MGST1: variants seen among roughly 807,000 people sequenced by gnomAD.
MGST1 encodes microsomal glutathione S-transferase 1, also known as glutathione S-transferase 12.
In MGST1, 5 loss-of-function variants were observed where a neutral mutation model predicts 8.9. That is an observed-to-expected ratio of 0.56 (90% CI 0.29 to 1.19). MGST1 has a LOEUF of 1.19. Among genes scored for constraint, MGST1 ranks in the 50% most tolerant of loss-of-function variants. The pLI is 0.08. For missense variants in MGST1, 182 were observed against 187.4 expected, an observed-to-expected ratio of 0.97 and a Z score of 0.17; for synonymous variants, 54 against 67.8, an observed-to-expected ratio of 0.80 and a Z score of 1.00.
chr12:16,485,978 C>G (rs747033602), intron 4 of MGST1, among the ~76,000 whole-genome samples: 1 of 152,172 alleles, frequency 6.6e-6, no homozygotes, highest in African/African-American at 2.4e-5. Context: ...TAAGGGGCTT[C>G]GATGACCTTT....
intron 4 of MGST1, among the ~76,000 whole-genome samples, chr12:16,533,104 T>C (rs1243276250): frequency 1.3e-5 from 2 of 152,194 alleles, no homozygotes; most frequent in Non-Finnish European, 2.9e-5. Context: ...CTTTCTTAAC[T>C]AGTATTTAAA....
Position 16,401,514 on chromosome 12 carries a change from G to C in MGST1, n.778+17910G>C, listed in dbSNP as rs2137063104. 1.1e-6 allele frequency: 1 copy of C among 909,392 alleles called. No individual in the cohort carries two copies. Among genetic ancestry groups the C allele is most frequent in the Non-Finnish European group, 1.8e-6 (1 of 550,608 alleles). The allele number at this position is 909,392 out of a possible 1,614,324, so 56.3% of individuals were successfully genotyped here. On this transcript the variant is annotated intron_variant and non_coding_transcript_variant, in intron 1 of 1. Transcript: ENST00000359720. This position sits in a 1 kb window ranked among gnomAD's most constrained non-coding sequence, Gnocchi z 4.3. ...GCTCTTCTTGAAGCTGGAGTAAAAA[G>C]TTGTAATTTTCTTGAACTTCCTGAG...
At chr12:16,457,800 T>A (rs1016451639) in intron 4 of MGST1, among the ~76,000 whole-genome samples, 1 of 152,038 alleles carries the variant, frequency 6.6e-6, no homozygotes, top group African/African-American at 2.4e-5. Context: ...GAAATTTTCA[T>A]TATAATAGAC....
rs567046657 is a variant in MGST1, at chr12:16,482,753, C to T, written n.482+99149C>T. Among the ~76,000 whole-genome samples, 4 of 152,114 alleles carry T rather than the reference C, an allele frequency of 2.6e-5. No individual in the cohort carries two copies. Among genetic ancestry groups the T allele is most frequent in the South Asian group, 4.1e-4 (2 of 4,830 alleles). ...AAGGGAAAAGATAATGGCTGAGATACGCAAAGGATTAGACTATCATGTCGG... is the reference window on the plus strand; with the variant it reads ...AAGGGAAAAGATAATGGCTGAGATATGCAAAGGATTAGACTATCATGTCGG... On this transcript the variant is annotated intron_variant and non_coding_transcript_variant, in intron 4 of 4. Coordinates refer to the MGST1 transcript ENST00000538857. This position sits in a 1 kb window ranked among gnomAD's most constrained non-coding sequence, Gnocchi z 4.2.
downstream of MGST1, among the ~76,000 whole-genome samples, chr12:16,379,691 G>T (rs570518252): frequency 1.1e-3 from 160 of 152,060 alleles, 1 homozygote; most frequent in East Asian, 0.02. Flanking sequence ...TCCCTCTTTT[G>T]CTATTGATTG....
chr12:16,571,919 C>A (rs997899995), intron 4 of MGST1, among the ~76,000 whole-genome samples: 2 of 151,916 alleles, frequency 1.3e-5, no homozygotes, highest in African/African-American at 4.8e-5. Flanking sequence ...AAAATACATA[C>A]ACATTTTTTA....
intron 1 of MGST1, among the ~76,000 whole-genome samples, chr12:16,396,093 C>T (rs1434896938): frequency 6.6e-6 from 1 of 152,076 alleles, no homozygotes; most frequent in African/African-American, 2.4e-5. Flanking sequence ...GTTCCCTTTT[C>T]ACTGCATCCA....
intron 4 of MGST1, among the ~76,000 whole-genome samples, chr12:16,570,349 C>G (rs779771275): frequency 1.3e-5 from 2 of 151,898 alleles, no homozygotes; most frequent in Admixed American, 6.6e-5. Flanking sequence ...TTTCCATACA[C>G]TATATATAAA....
intron 1 of MGST1, among the ~76,000 whole-genome samples, chr12:16,387,530 ATT>A (rs34939041): frequency 2.8e-5 from 4 of 142,254 alleles, no homozygotes; most frequent in Non-Finnish European, 1.5e-5. Flanking sequence ...CAGGTATACC[ATT>A]TTTTTTTTTT....
At chr12:16,405,164 C>A (rs1032418026) in intron 1 of MGST1, among the ~76,000 whole-genome samples, 1 of 152,018 alleles carries the variant, frequency 6.6e-6, no homozygotes, top group East Asian at 1.9e-4. Flanking sequence ...TAGCAGAAGA[C>A]AAGAAATCAA....
intron 4 of MGST1, among the ~76,000 whole-genome samples, chr12:16,463,482 T>C (rs1470110908): frequency 6.6e-6 from 1 of 151,802 alleles, no homozygotes; most frequent in Non-Finnish European, 1.5e-5. Context: ...TAATAGATGC[T>C]GGGCTTAATA....
chr12:16,398,809 C>T (rs1940627580), intron 1 of MGST1, among the ~76,000 whole-genome samples: 2 of 152,042 alleles, frequency 1.3e-5, no homozygotes, highest in Admixed American at 6.5e-5. Flanking sequence ...TTGAGTATTG[C>T]AAAGATAAAA....
chr12:16,493,884 C>G (rs910952560), intron 4 of MGST1, among the ~76,000 whole-genome samples: 1 of 152,114 alleles, frequency 6.6e-6, no homozygotes, highest in African/African-American at 2.4e-5. Flanking sequence ...TTTAAAAGAA[C>G]TGCTTAATTT....
At chr12:16,520,803 G>GAATTTGA (rs1258390269) in intron 4 of MGST1, among the ~76,000 whole-genome samples, 2 of 152,124 alleles carry the variant, frequency 1.3e-5, no homozygotes, top group African/African-American at 4.8e-5. Flanking sequence ...AAACCATTTG[G>GAATTTGA]AATTTGAAAT....
intron 4 of MGST1, among the ~76,000 whole-genome samples, chr12:16,496,554 G>T (rs112314478): frequency 1.7e-4 from 26 of 152,140 alleles, no homozygotes; most frequent in African/African-American, 6.3e-4. Context: ...GCTGAGGTTT[G>T]GGGTACGACT....
In MGST1 at chr12:16,585,265, C is replaced by T. The variant is rs1943283274; in HGVS notation, n.483-4263C>T. Among the ~76,000 whole-genome samples the T allele has an allele frequency of 6.6e-6, 1 of 151,944 alleles. No individual in the cohort carries two copies. The highest frequency in any genetic ancestry group is 1.5e-5 in the Non-Finnish European group (1 of 68,024). Reference sequence around the variant, plus strand: ...TAAATAATTCAGCCTATTTTATTTACATTCAAGTATCATGGTAGAAAACAA... The same window carrying T: ...TAAATAATTCAGCCTATTTTATTTATATTCAAGTATCATGGTAGAAAACAA... On this transcript the variant is annotated intron_variant and non_coding_transcript_variant, in intron 4 of 4. Transcript: ENST00000538857. This position sits in a 1 kb window ranked among gnomAD's most constrained non-coding sequence, Gnocchi z 4.7.
At chr12:16,434,407 A>G (rs12816505) in intron 1 of MGST1, among the ~76,000 whole-genome samples, 41,410 of 151,526 alleles carry the variant, frequency 0.27, 6,843 homozygotes, top group Non-Finnish European at 0.37. Context: ...ATGTCTCATT[A>G]TAGTTCCAAG....
At chr12:16,383,133 G>C (rs1160865463) in exon 1 of MGST1, 1 of 152,574 alleles carries the variant, frequency 6.6e-6, no homozygotes, top group Non-Finnish European at 1.5e-5. Context: ...GCTCGTGCAC[G>C]GTGCACTGCA....
In MGST1 at chr12:16,500,052, G is replaced by A. The variant is rs546637346; in HGVS notation, n.483-89476G>A. On this transcript the variant is annotated intron_variant and non_coding_transcript_variant, in intron 4 of 4. Coordinates refer to the MGST1 transcript ENST00000538857. The surrounding 1 kb of genome is among the most constrained non-coding windows in gnomAD (Gnocchi z 4.3). ...ATTTCAAGGAAGCTAGAATTCCAGG[G>A]GATAGTTTCATAAGTATGTTTAAAC... Among the ~76,000 whole-genome samples the A allele has an allele frequency of 1.3e-5, 2 of 152,152 alleles. No individual in the cohort carries two copies. Among genetic ancestry groups the A allele is most frequent in the South Asian group, 4.2e-4 (2 of 4,814 alleles).
Sources: allele counts gnomAD v4.1 joint callset (sites outside exome capture counted in the v4.1 genomes callset), GRCh38; gene constraint gnomAD v4.1.1; non-coding constraint Gnocchi (gnomAD v3.1); transcripts MANE v1.5; gene names NCBI Gene and HGNC (gene_info 2026-07-23, HGNC 2026-07-21).